Variants in SMYD3 observed in about 807,000 individuals in gnomAD.
The protein encoded by SMYD3 is SET and MYND domain containing 3.
A neutral mutation model predicts 57.7 loss-of-function variants in SMYD3; 36 were observed. The ratio of observed to expected loss-of-function variants is 0.62; its 90% CI spans 0.48 to 0.82. The LOEUF is 0.82. Among genes scored for constraint, SMYD3 ranks in the 40% least tolerant of loss-of-function variants. The pLI, the probability that SMYD3 is intolerant of heterozygous loss-of-function variation, is 0.00. For missense variants in SMYD3, 515 were observed against 538.8 expected (o/e 0.96, Z 0.44); for synonymous variants, 211 against 195.0 (o/e 1.08, Z -0.68).
chr1:245,872,857 C>T (rs1290979695), intron 8 of SMYD3, among the ~76,000 whole-genome samples: 4 of 152,184 alleles, frequency 2.6e-5, no homozygotes, highest in Non-Finnish European at 4.4e-5. Context: ...TTCTGGGAAA[C>T]GGAGCACAGC....
intron 10 of SMYD3, among the ~76,000 whole-genome samples, chr1:245,838,030 A>T (rs1379305666): frequency 2.0e-5 from 3 of 152,188 alleles, no homozygotes; most frequent in African/African-American, 7.2e-5. Flanking sequence ...ATGATCTCTG[A>T]CTTTTTTTTC....
At position 245,881,571 on chromosome 1, in the gene SMYD3, C is replaced by T. The variant is rs374536779; in HGVS notation, c.814-17685G>A. 6.6e-5 allele frequency among the ~76,000 whole-genome samples: 10 copies of T among 152,144 alleles called. No individual in the cohort carries two copies. In the East Asian group the frequency reaches 1.7e-3, roughly 26 times the overall value. On this transcript the variant is annotated intron_variant, in intron 8 of 11. Coordinates refer to ENST00000490107, the MANE Select transcript of SMYD3 (RefSeq NM_001167740.2). ...GTATTTATTCACATATTCACTTGCG[C>T]AACACAAATTTATTAGGCACTGTAT...
At chr1:246,166,942 T>C (rs2062224243) in intron 5 of SMYD3, among the ~76,000 whole-genome samples, 1 of 152,180 alleles carries the variant, frequency 6.6e-6, no homozygotes, top group Non-Finnish European at 1.5e-5. Context: ...TGCTCTCGGG[T>C]GCCCCTTCCC....
At chr1:245,945,591 T>G (rs1244171720) in intron 5 of SMYD3, among the ~76,000 whole-genome samples, 1 of 152,210 alleles carries the variant, frequency 6.6e-6, no homozygotes, top group Non-Finnish European at 1.5e-5. Flanking sequence ...AGAAATACCA[T>G]TTGACCCAGC....
chr1:246,230,800 A>G (rs1558332896), intron 5 of SMYD3, among the ~76,000 whole-genome samples: 1 of 152,188 alleles, frequency 6.6e-6, no homozygotes, highest in South Asian at 2.1e-4. Context: ...GAGCAGTTGA[A>G]ATGTGTTTAG....
chr1:245,853,855 C>T (rs2051103169), intron 10 of SMYD3, among the ~76,000 whole-genome samples: 1 of 152,140 alleles, frequency 6.6e-6, no homozygotes, highest in South Asian at 2.1e-4. Context: ...TATACTTCCA[C>T]TCTCTCCACC....
intron 5 of SMYD3, among the ~76,000 whole-genome samples, chr1:246,125,027 G>A (rs540588935): frequency 1.7e-4 from 25 of 147,616 alleles, no homozygotes; most frequent in Middle Eastern, 3.3e-3. Flanking sequence ...AGCCGAGATC[G>A]CGCCACTGCA....
chr1:246,336,137 G>T (rs1052573640), intron 2 of SMYD3, among the ~76,000 whole-genome samples: 1 of 152,130 alleles, frequency 6.6e-6, no homozygotes, highest in African/African-American at 2.4e-5. Context: ...CCTAAGCCAT[G>T]ATCCTAGCCA....
chr1:246,104,473 C>T (rs114789369), intron 5 of SMYD3, among the ~76,000 whole-genome samples: 2,494 of 152,264 alleles, frequency 0.016, 72 homozygotes, highest in African/African-American at 0.057. Context: ...CAATGTGACA[C>T]GGCTGATCCA....
chr1:246,080,970 T>C (rs1394765003), intron 5 of SMYD3, among the ~76,000 whole-genome samples: 1 of 152,216 alleles, frequency 6.6e-6, no homozygotes, highest in Non-Finnish European at 1.5e-5. Flanking sequence ...TAAGGATAAT[T>C]AGTGTGTGTA....
intron 5 of SMYD3, among the ~76,000 whole-genome samples, chr1:245,979,480 C>T (rs1032064500): frequency 6.6e-6 from 1 of 152,028 alleles, no homozygotes; most frequent in African/African-American, 2.4e-5. Flanking sequence ...AGAAGGTGGC[C>T]ATGAGAAGAC....
At chr1:245,883,591 G>T (rs554146516) in intron 8 of SMYD3, among the ~76,000 whole-genome samples, 6 of 152,054 alleles carry the variant, frequency 3.9e-5, no homozygotes, top group African/African-American at 1.4e-4. Flanking sequence ...GGGTCCCAAC[G>T]CTAAAAGACT....
intron 5 of SMYD3, among the ~76,000 whole-genome samples, chr1:246,025,604 A>G (rs1445770246): frequency 6.6e-6 from 1 of 152,210 alleles, no homozygotes; most frequent in Non-Finnish European, 1.5e-5. Context: ...CCAACCACAA[A>G]GAAAGCACAG....
intron 1 of SMYD3, among the ~76,000 whole-genome samples, chr1:246,447,239 AG>A (rs1361155983): frequency 6.6e-6 from 1 of 152,206 alleles, no homozygotes; most frequent in African/African-American, 2.4e-5. Flanking sequence ...CCTTTATCAG[AG>A]GAATTGGGGA....
At chr1:246,147,021 T>C (rs1012435446) in intron 5 of SMYD3, among the ~76,000 whole-genome samples, 3 of 152,126 alleles carry the variant, frequency 2.0e-5, no homozygotes, top group Non-Finnish European at 2.9e-5. Context: ...GAGGACAATC[T>C]GTTCGAGAAT....
At chr1:246,041,918 C>T (rs2059883516) in intron 5 of SMYD3, among the ~76,000 whole-genome samples, 1 of 152,094 alleles carries the variant, frequency 6.6e-6, no homozygotes, top group Non-Finnish European at 1.5e-5. Context: ...TTCCTGGGCC[C>T]TTATGAGGTA....
At chr1:245,986,633 C>A (rs2058710124) in intron 5 of SMYD3, among the ~76,000 whole-genome samples, 1 of 152,172 alleles carries the variant, frequency 6.6e-6, no homozygotes, top group Non-Finnish European at 1.5e-5. Flanking sequence ...GACGGTTTTA[C>A]TGCCCTGAAA....
At chr1:245,853,412 G>A (rs751583981) in intron 10 of SMYD3, among the ~76,000 whole-genome samples, 4 of 152,178 alleles carry the variant, frequency 2.6e-5, no homozygotes, top group Non-Finnish European at 5.9e-5. Context: ...GCAAGCGCTG[G>A]GTATGTGACG....
intron 5 of SMYD3, among the ~76,000 whole-genome samples, chr1:245,987,696 A>C (rs964457498): frequency 1.3e-5 from 2 of 152,250 alleles, no homozygotes; most frequent in East Asian, 1.9e-4. Flanking sequence ...ACTTATCAAC[A>C]GTGGAGACGG....
Sources: gnomAD v4.1 joint callset for allele counts (sites outside exome capture counted in the v4.1 genomes callset) on GRCh38, gnomAD v4.1.1 for gene constraint, MANE v1.5 for transcripts, NCBI Gene and HGNC (gene_info 2026-07-23, HGNC 2026-07-21) for gene names.